NOS1AP: variants seen among roughly 807,000 people sequenced by gnomAD.
NOS1AP encodes nitric oxide synthase 1 adaptor protein, also known as carboxyl-terminal PDZ ligand of neuronal nitric oxide synthase protein.
A neutral mutation model predicts 56.2 loss-of-function variants in NOS1AP; 21 were observed. The ratio of observed to expected loss-of-function variants is 0.37; its 90% confidence interval spans 0.26 to 0.54. The LOEUF (loss-of-function observed/expected upper bound fraction) is 0.54. NOS1AP is among the 20% of genes least tolerant of loss of function. NOS1AP has a pLI of 0.84. For synonymous variants in NOS1AP, 270 were observed against 274.6 expected (o/e 0.98, Z 0.17); for missense variants, 522 against 657.8 (o/e 0.79, Z 2.26).
Position 162,070,048 on chromosome 1 carries a change from TC to T in NOS1AP, c.-125del. ...GGTCCGGCCGCCGCGCGGCCAGGGC[TC>T]CCCCTGCCCAGCGCTCCCAGGCCCC... is the stretch of plus-strand genomic sequence containing the variant. On this transcript the variant is annotated 5_prime_UTR_variant, in exon 1 of 10. Transcript: ENST00000361897. 1.7e-6 allele frequency: 1 copy of T among 596,554 alleles called. No homozygotes were observed. The highest frequency in any genetic ancestry group is 3.8e-5 in the East Asian group (1 of 26,318). 37.0% of individuals were successfully genotyped at this position (596,554 alleles called of 1,614,324 possible). A position where few individuals can be genotyped will look rare whatever the true frequency, so the allele number is the denominator to read the frequency against.
intron 1 of NOS1AP, among the ~76,000 whole-genome samples, chr1:162,118,819 G>A (rs1648077818): frequency 6.6e-6 from 1 of 152,178 alleles, no homozygotes; most frequent in Admixed American, 6.6e-5. Flanking sequence ...GTAGGGGTGT[G>A]TCAGACATCT....
At chr1:162,155,534 A>G (rs920667416) in intron 2 of NOS1AP, among the ~76,000 whole-genome samples, 4 of 151,542 alleles carry the variant, frequency 2.6e-5, no homozygotes, top group African/African-American at 9.7e-5. Context: ...ACAAAATTTT[A>G]TTGGTTGGAT....
intron 2 of NOS1AP, among the ~76,000 whole-genome samples, chr1:162,275,755 C>T (rs1370319839): frequency 1.3e-5 from 2 of 152,186 alleles, no homozygotes; most frequent in Non-Finnish European, 2.9e-5. Flanking sequence ...GCTTTGGATC[C>T]ATGTTCAAAT....
chr1:162,150,180 A>T (rs879653347), intron 1 of NOS1AP, among the ~76,000 whole-genome samples: 14 of 152,002 alleles, frequency 9.2e-5, no homozygotes, highest in Admixed American at 8.5e-4. Context: ...CTCTCTTTCC[A>T]TGAGCTGAAT....
At chr1:162,294,596 A>G (rs1426548701) in intron 3 of NOS1AP, among the ~76,000 whole-genome samples, 3 of 152,118 alleles carry the variant, frequency 2.0e-5, no homozygotes, top group Admixed American at 1.3e-4. Context: ...TACTCCCTCT[A>G]TCTCGCTGAC....
intron 2 of NOS1AP, among the ~76,000 whole-genome samples, chr1:162,161,297 TCTACC>T (rs1305052310): frequency 9.2e-5 from 14 of 152,222 alleles, no homozygotes; most frequent in African/African-American, 3.4e-4. Context: ...TTTGAGTCTG[TCTACC>T]ATAATGGGAT....
At chr1:162,145,750 TG>T (rs1242700125) in intron 1 of NOS1AP, among the ~76,000 whole-genome samples, 1 of 152,136 alleles carries the variant, frequency 6.6e-6, no homozygotes, top group African/African-American at 2.4e-5. Flanking sequence ...CAATCTCAGC[TG>T]GGGGTTTCTA....
intron 1 of NOS1AP, among the ~76,000 whole-genome samples, chr1:162,144,988 G>A (rs903260749): frequency 6.6e-6 from 1 of 152,098 alleles, no homozygotes; most frequent in Admixed American, 6.5e-5. Context: ...ACAAGTCATC[G>A]CAATCATTTT....
intron 2 of NOS1AP, among the ~76,000 whole-genome samples, chr1:162,270,084 T>C (rs945190010): frequency 2.6e-5 from 4 of 152,226 alleles, no homozygotes; most frequent in Admixed American, 2.6e-4. Flanking sequence ...TGGCAACTAG[T>C]CAGGGACCTG....
intron 2 of NOS1AP, among the ~76,000 whole-genome samples, chr1:162,258,915 G>A (rs530713530): frequency 6.6e-6 from 1 of 152,084 alleles, no homozygotes; most frequent in Non-Finnish European, 1.5e-5. Flanking sequence ...ATTGTAGGTG[G>A]GATGACGTCT....
At chr1:162,255,311 G>A (rs1213262045) in intron 2 of NOS1AP, among the ~76,000 whole-genome samples, 3 of 152,042 alleles carry the variant, frequency 2.0e-5, no homozygotes, top group Non-Finnish European at 4.4e-5. Flanking sequence ...TCCAGAAGCT[G>A]CATCTTTGCT....
At chr1:162,248,128 T>C (rs556502344) in intron 2 of NOS1AP, among the ~76,000 whole-genome samples, 2 of 152,144 alleles carry the variant, frequency 1.3e-5, no homozygotes, top group East Asian at 3.9e-4. Flanking sequence ...AATATATATA[T>C]ATATAAATCA....
chr1:162,103,559 G>A (rs1478139481), intron 1 of NOS1AP, among the ~76,000 whole-genome samples: 1 of 152,102 alleles, frequency 6.6e-6, no homozygotes, highest in African/African-American at 2.4e-5. Context: ...ACTACTCTGT[G>A]GGAGTCTAAG....
intron 3 of NOS1AP, among the ~76,000 whole-genome samples, chr1:162,299,556 T>G (rs1341895966): frequency 6.6e-6 from 1 of 152,186 alleles, no homozygotes; most frequent in African/African-American, 2.4e-5. Context: ...AAATAGGTAA[T>G]TCGTATATTA....
intron 2 of NOS1AP, among the ~76,000 whole-genome samples, chr1:162,221,841 G>T (rs940597967): frequency 1.3e-5 from 2 of 152,028 alleles, no homozygotes; most frequent in Non-Finnish European, 2.9e-5. Flanking sequence ...TCTATAGCTT[G>T]TTTTCTTTTT....
intron 2 of NOS1AP, among the ~76,000 whole-genome samples, chr1:162,189,989 C>G (rs1230706521): frequency 6.6e-6 from 1 of 152,122 alleles, no homozygotes; most frequent in East Asian, 1.9e-4. Flanking sequence ...AGAGCACCCT[C>G]CAGTGAAGAT....
intron 2 of NOS1AP, among the ~76,000 whole-genome samples, chr1:162,181,251 T>C (rs1651247002): frequency 6.6e-6 from 1 of 152,202 alleles, no homozygotes; most frequent in Non-Finnish European, 1.5e-5. Context: ...TTGAATATCT[T>C]TGAATATTAA....
At chr1:162,329,261 C>T (rs2101790799) in intron 4 of NOS1AP, among the ~76,000 whole-genome samples, 1 of 152,018 alleles carries the variant, frequency 6.6e-6, no homozygotes, top group South Asian at 2.1e-4. Flanking sequence ...GCTGTGGTGG[C>T]TTACACCTAT....
chr1:162,282,103 A>T (rs773723985), intron 2 of NOS1AP, among the ~76,000 whole-genome samples: 1 of 152,208 alleles, frequency 6.6e-6, no homozygotes, highest in African/African-American at 2.4e-5. Flanking sequence ...TTCATCTGGA[A>T]AAAATAAAAA....
Sources: allele counts gnomAD v4.1 joint callset (sites outside exome capture counted in the v4.1 genomes callset), GRCh38; gene constraint gnomAD v4.1.1; transcripts MANE v1.5; gene names NCBI Gene and HGNC (gene_info 2026-07-23, HGNC 2026-07-21).